Variants in FAAH2 observed in about 807,000 individuals in gnomAD.
The protein encoded by FAAH2 is fatty-acid amide hydrolase 2.
A neutral mutation model predicts 36.9 loss-of-function variants in FAAH2; 60 were observed. That is an observed-to-expected ratio of 1.63 (90% CI 1.32 to 2.02). FAAH2 has a LOEUF of 2.02. Among genes scored for constraint, FAAH2 ranks in the 30% most tolerant of loss-of-function variants. The pLI, the probability that FAAH2 is intolerant of heterozygous loss-of-function variation, is 0.00. For synonymous variants in FAAH2, 214 were observed against 143.8 expected (o/e 1.49, Z -3.49); for missense variants, 689 against 397.5 (o/e 1.73, Z -6.23).
chrX:57,397,156 C>T (rs908576835), intron 7 of FAAH2, among the ~76,000 whole-genome samples: 3 of 111,481 alleles, frequency 2.7e-5, no homozygotes, highest in Non-Finnish European at 5.7e-5. Context: ...TGCTTTTTGT[C>T]TGTAACCATT....
chrX:57,394,451 C>T, intron 7 of FAAH2: 1 of 1,201,111 alleles, frequency 8.3e-7, no homozygotes, highest in South Asian at 1.8e-5. Flanking sequence ...AGCCAGCTTA[C>T]CAATGGGCTT....
At chrX:57,365,158 G>C (rs765590654) in intron 5 of FAAH2, among the ~76,000 whole-genome samples, 11 of 111,731 alleles carry the variant, frequency 9.8e-5, no homozygotes, top group Non-Finnish European at 1.5e-4. Context: ...CACTTTTACT[G>C]TGTGGTTGTT....
the FAAH2 span, among the ~76,000 whole-genome samples, chrX:57,153,551 T>C: frequency 8.9e-6 from 1 of 112,148 alleles, no homozygotes; most frequent in African/African-American, 3.2e-5. Flanking sequence ...CTTGTAGTGC[T>C]GTCTTGGTAT....
intron 4 of FAAH2, among the ~76,000 whole-genome samples, chrX:57,333,844 A>ATTATTTTT (rs2053472103): frequency 2.7e-5 from 3 of 112,063 alleles, no homozygotes; most frequent in Non-Finnish European, 5.6e-5. Context: ...TTTAAGAAAC[A>ATTATTTTT]GCAATAAATG....
intron 5 of FAAH2, among the ~76,000 whole-genome samples, chrX:57,354,607 T>G (rs1034350831): frequency 1.8e-5 from 2 of 110,743 alleles, no homozygotes; most frequent in Non-Finnish European, 3.8e-5. Context: ...ATTACTTCAG[T>G]GGCAAATCTG....
In FAAH2 at chrX:57,336,944, A is replaced by G. The variant is rs1455525305; in HGVS notation, c.623-4327A>G. Among the ~76,000 whole-genome samples, 4 of 90,079 alleles carry G rather than the reference A, an allele frequency of 4.4e-5. 1 individual carries two copies. Among genetic ancestry groups the G allele is most frequent in the Non-Finnish European group, 8.7e-5 (4 of 46,122 alleles). 78.2% of individuals were successfully genotyped at this position (90,079 alleles called of 115,157 possible). ...AGACACAAAAAATCCTTCAAAAATC[A>G]ACGAATCCAGGAGCTATTCTTTTGA... On this transcript the variant is annotated intron_variant, in intron 4 of 10. Coordinates refer to ENST00000374900, the MANE Select transcript of FAAH2 (RefSeq NM_174912.4).
At chrX:57,355,823 T>A (rs2054144236) in intron 5 of FAAH2, among the ~76,000 whole-genome samples, 1 of 111,254 alleles carries the variant, frequency 9.0e-6, no homozygotes, top group African/African-American at 3.2e-5. Context: ...CAGTTTTATA[T>A]TGGATAGATG....
the FAAH2 span, among the ~76,000 whole-genome samples, chrX:57,185,540 ATG>A: frequency 1.2e-5 from 1 of 83,506 alleles, no homozygotes; most frequent in African/African-American, 4.2e-5. Context: ...GTGTGCGTGT[ATG>A]TGTGTGTGCG....
chrX:57,415,130 TA>T (rs1247431354), intron 7 of FAAH2, among the ~76,000 whole-genome samples: 1 of 110,241 alleles, frequency 9.1e-6, no homozygotes, highest in African/African-American at 3.3e-5. Flanking sequence ...CCTTCTTTAT[TA>T]GTCTGGCTAG....
At chrX:57,459,651 C>G (rs909053713) in intron 10 of FAAH2, among the ~76,000 whole-genome samples, 1 of 112,384 alleles carries the variant, frequency 8.9e-6, no homozygotes, top group African/African-American at 3.2e-5. Flanking sequence ...GAGGAAGAAG[C>G]AGGCAGCAAT....
chrX:57,355,326 T>C (rs1222845727), intron 5 of FAAH2, among the ~76,000 whole-genome samples: 3 of 110,978 alleles, frequency 2.7e-5, no homozygotes, highest in Non-Finnish European at 5.7e-5. Context: ...GCCAGCAGAA[T>C]ATCTGTCTTA....
intron 3 of FAAH2, among the ~76,000 whole-genome samples, chrX:57,314,144 G>T (rs1419853805): frequency 9.0e-6 from 1 of 111,421 alleles, no homozygotes; most frequent in African/African-American, 3.3e-5. Context: ...ATACAAAGAA[G>T]GGCATTATAT....
At chrX:57,458,408 G>A (rs904336866) in intron 10 of FAAH2, among the ~76,000 whole-genome samples, 4 of 111,165 alleles carry the variant, frequency 3.6e-5, no homozygotes, top group Non-Finnish European at 7.6e-5. Flanking sequence ...CAGGAGAATC[G>A]CTTGAACCCA....
At chrX:57,361,444 A>G (rs2054283457) in intron 5 of FAAH2, among the ~76,000 whole-genome samples, 1 of 111,194 alleles carries the variant, frequency 9.0e-6, no homozygotes, top group Non-Finnish European at 1.9e-5. Flanking sequence ...TCCTCTTAGT[A>G]CAACTACTAA....
At chrX:57,484,690 C>G (rs1409787489) in intron 10 of FAAH2, among the ~76,000 whole-genome samples, 1 of 111,462 alleles carries the variant, frequency 9.0e-6, no homozygotes, top group Non-Finnish European at 1.9e-5. Flanking sequence ...AGTGAGAGGT[C>G]TGCCTTTCAG....
intron 7 of FAAH2, among the ~76,000 whole-genome samples, chrX:57,388,418 C>T (rs1403112449): frequency 9.0e-6 from 1 of 111,137 alleles, no homozygotes; most frequent in African/African-American, 3.3e-5. Flanking sequence ...CAACACCTTA[C>T]TTTTACCTAT....
At chrX:57,136,180 C>G in the FAAH2 span, 1 of 1,211,262 alleles carries the variant, frequency 8.3e-7, no homozygotes, top group Non-Finnish European at 1.1e-6. Flanking sequence ...GAACCATGCT[C>G]TCCCTCAAAC....
chrX:57,296,316 A>G (rs1281848708), intron 2 of FAAH2, among the ~76,000 whole-genome samples: 1 of 111,770 alleles, frequency 8.9e-6, no homozygotes, highest in African/African-American at 3.3e-5. Flanking sequence ...TTCTGCAGCC[A>G]CCACTGCTGA....
intron 5 of FAAH2, among the ~76,000 whole-genome samples, chrX:57,359,966 G>T (rs1419679213): frequency 9.3e-6 from 1 of 107,935 alleles, no homozygotes; most frequent in Non-Finnish European, 1.9e-5. Flanking sequence ...TTATTTTTCA[G>T]GGTGTTTTTT....
Sources: gnomAD v4.1 joint callset for allele counts (sites outside exome capture counted in the v4.1 genomes callset) on GRCh38, gnomAD v4.1.1 for gene constraint, MANE v1.5 for transcripts, NCBI Gene and HGNC (gene_info 2026-07-23, HGNC 2026-07-21) for gene names.